GRIA4: variants seen among roughly 807,000 people sequenced by gnomAD.
The protein encoded by GRIA4 is glutamate receptor 4.
GRIA4 carries 34 observed loss-of-function variants against 104.0 expected under a neutral mutation model. The ratio of observed to expected loss-of-function variants is 0.33; its 90% CI spans 0.25 to 0.44. The LOEUF (loss-of-function observed/expected upper bound fraction) is 0.44, where lower values mean the gene tolerates loss of function less well. Ranked by LOEUF, GRIA4 falls within the 20% of genes least tolerant of loss-of-function variation. GRIA4 has a pLI of 1.00. For missense variants in GRIA4, 750 were observed against 1,096.5 expected, an observed-to-expected ratio of 0.68 and a Z score of 4.46; for synonymous variants, 386 against 381.9, an observed-to-expected ratio of 1.01 and a Z score of -0.13.
chr11:105,669,195 C>G (rs1000036255), intron 3 of GRIA4, among the ~76,000 whole-genome samples: 1 of 151,904 alleles, frequency 6.6e-6, no homozygotes, highest in Non-Finnish European at 1.5e-5. Flanking sequence ...AACTTCTGTC[C>G]TAATTTAGAC....
intron 4 of GRIA4, among the ~76,000 whole-genome samples, chr11:105,785,150 T>A (rs1941903777): frequency 6.6e-6 from 1 of 152,196 alleles, no homozygotes; most frequent in South Asian, 2.1e-4. Context: ...TGCTGGTGCA[T>A]ACTATACGTT....
intron 14 of GRIA4, among the ~76,000 whole-genome samples, chr11:105,968,225 G>A (rs1858494368): frequency 6.6e-6 from 1 of 152,174 alleles, no homozygotes; most frequent in African/African-American, 2.4e-5. Flanking sequence ...TACCACACAT[G>A]GAAAGGTTTC....
chr11:105,932,602 G>A (rs894864269), intron 13 of GRIA4, among the ~76,000 whole-genome samples: 3 of 152,170 alleles, frequency 2.0e-5, no homozygotes, highest in African/African-American at 7.2e-5. Context: ...TTAATAGATA[G>A]AGCTCAAGTA....
chr11:105,888,280 T>TTTTTTTTTTG (rs1946344970), intron 6 of GRIA4, among the ~76,000 whole-genome samples: 1 of 108,438 alleles, frequency 9.2e-6, no homozygotes, highest in African/African-American at 3.6e-5. Flanking sequence ...CCTTTTTTTT[T>TTTTTTTTTTG]TTTTTTTTTT....
intron 3 of GRIA4, among the ~76,000 whole-genome samples, chr11:105,746,006 A>G (rs931607000): frequency 6.6e-6 from 1 of 152,152 alleles, no homozygotes; most frequent in African/African-American, 2.4e-5. Flanking sequence ...CAATATTAGT[A>G]GAGATTTTTT....
chr11:105,761,636 G>T (rs1039182371), intron 4 of GRIA4, among the ~76,000 whole-genome samples: 7 of 151,984 alleles, frequency 4.6e-5, no homozygotes, highest in Admixed American at 4.6e-4. Context: ...TAAATGAAAA[G>T]GGCTGTGTTC....
chr11:105,936,748 A>C (rs144155423), intron 14 of GRIA4, among the ~76,000 whole-genome samples: 1 of 152,308 alleles, frequency 6.6e-6, no homozygotes, highest in Non-Finnish European at 1.5e-5. Context: ...CTTTAAAACA[A>C]ATGCAATAAG....
At chr11:105,782,604 C>G (rs1941776999) in intron 4 of GRIA4, among the ~76,000 whole-genome samples, 1 of 152,114 alleles carries the variant, frequency 6.6e-6, no homozygotes, top group African/African-American at 2.4e-5. Context: ...TCTGAAGATA[C>G]TCTCTGGGGT....
At chr11:105,837,955 C>G (rs1944255146) in intron 4 of GRIA4, among the ~76,000 whole-genome samples, 1 of 152,104 alleles carries the variant, frequency 6.6e-6, no homozygotes, top group African/African-American at 2.4e-5. Context: ...ATAACACCCA[C>G]TCTGCTCCTC....
intron 3 of GRIA4, chr11:105,614,171 T>C (rs1950543569): frequency 6.6e-6 from 1 of 151,666 alleles, no homozygotes; most frequent in Non-Finnish European, 1.5e-5. Flanking sequence ...TCAATAGTAA[T>C]TATTTTAACA....
intron 3 of GRIA4, among the ~76,000 whole-genome samples, chr11:105,737,176 G>A (rs1234425595): frequency 6.6e-6 from 1 of 152,070 alleles, no homozygotes; most frequent in East Asian, 1.9e-4. Context: ...ACTTTAACAA[G>A]TAACTGGAGT....
At chr11:105,818,199 C>T (rs560185079) in intron 4 of GRIA4, among the ~76,000 whole-genome samples, 1 of 151,854 alleles carries the variant, frequency 6.6e-6, no homozygotes, top group African/African-American at 2.4e-5. Context: ...AAATTGAGTC[C>T]CAAGTGTTGG....
At chr11:105,768,718 G>A (rs1224509872) in intron 4 of GRIA4, among the ~76,000 whole-genome samples, 1 of 151,962 alleles carries the variant, frequency 6.6e-6, no homozygotes, top group African/African-American at 2.4e-5. Context: ...GAGTTAAGTT[G>A]TTCCATTGGA....
chr11:105,890,594 A>T (rs568937058), intron 6 of GRIA4, among the ~76,000 whole-genome samples: 5 of 152,278 alleles, frequency 3.3e-5, no homozygotes, highest in African/African-American at 1.2e-4. Flanking sequence ...TGCCCCTCTG[A>T]TCTTAGCTTT....
chr11:105,821,998 G>A (rs1377057695), intron 4 of GRIA4, among the ~76,000 whole-genome samples: 1 of 152,100 alleles, frequency 6.6e-6, no homozygotes, highest in Admixed American at 6.6e-5. Context: ...CCAGAACCGG[G>A]AAAATCCTTT....
intron 3 of GRIA4, among the ~76,000 whole-genome samples, chr11:105,636,481 A>G (rs1181857543): frequency 6.6e-6 from 1 of 152,134 alleles, no homozygotes; most frequent in Admixed American, 6.5e-5. Flanking sequence ...AAATCAAAAC[A>G]TTGTATGTTT....
At chr11:105,957,481 G>A (rs1311702715) in intron 14 of GRIA4, among the ~76,000 whole-genome samples, 1 of 152,090 alleles carries the variant, frequency 6.6e-6, no homozygotes, top group Admixed American at 6.5e-5. Context: ...TCTCCGTTTT[G>A]GTACCAGTAC....
intron 3 of GRIA4, among the ~76,000 whole-genome samples, chr11:105,623,734 A>G (rs548476566): frequency 1.3e-5 from 2 of 151,574 alleles, no homozygotes; most frequent in South Asian, 4.2e-4. Flanking sequence ...AACACCAATC[A>G]CTCTATATCA....
rs190745287 is a variant in GRIA4, at chr11:105,883,846, C to T, written c.673-3673C>T. On this transcript the variant is annotated intron_variant, in intron 5 of 16. Coordinates refer to ENST00000282499, the MANE Select transcript of GRIA4 (RefSeq NM_000829.4). ...TTCTAGTTCTAGATCCTTGAGGAAT[C>T]GCCCCACTGTCTTCTACAATGGTTG... Among the ~76,000 whole-genome samples, 467 of 152,246 alleles carry T rather than the reference C, an allele frequency of 3.1e-3. 2 individuals carry two copies. The highest frequency in any genetic ancestry group is 4.8e-3 in the Non-Finnish European group (326 of 68,016).
Sources: allele counts gnomAD v4.1 joint callset (sites outside exome capture counted in the v4.1 genomes callset), GRCh38; gene constraint gnomAD v4.1.1; transcripts MANE v1.5; gene names NCBI Gene and HGNC (gene_info 2026-07-23, HGNC 2026-07-21).